DMD: variants seen among roughly 807,000 people sequenced by gnomAD.
DMD encodes the protein dystrophin.
In DMD, 63 loss-of-function variants were observed where a neutral mutation model predicts 330.1. The ratio of observed to expected loss-of-function variants is 0.19; its 90% CI spans 0.16 to 0.24. DMD has a LOEUF of 0.24. Ranked by LOEUF, DMD falls within the 10% of genes least tolerant of loss-of-function variation. DMD has a pLI of 1.00. For missense variants in DMD, 3,344 were observed against 2,684.1 expected, an observed-to-expected ratio of 1.25 and a Z score of -5.43; for synonymous variants, 1,223 against 959.8, an observed-to-expected ratio of 1.27 and a Z score of -5.07.
chrX:32,292,299 A>ATTTT (rs1355530949), intron 42 of DMD, among the ~76,000 whole-genome samples: 2 of 30,861 alleles, frequency 6.5e-5, no homozygotes, highest in African/African-American at 3.7e-4. Context: ...CAAAGGGAAT[A>ATTTT]TTCTTTTTTT....
At chrX:32,600,598 G>GCACACGCACA (rs1556840610) in intron 12 of DMD, among the ~76,000 whole-genome samples, 6 of 95,290 alleles carry the variant, frequency 6.3e-5, no homozygotes, top group Non-Finnish European at 8.4e-5. Flanking sequence ...ACACGCACAC[G>GCACACGCACA]CACACACACA....
At chrX:31,196,084 C>T (rs973902658) in intron 67 of DMD, among the ~76,000 whole-genome samples, 8 of 112,053 alleles carry the variant, frequency 7.1e-5, no homozygotes, top group African/African-American at 2.6e-4. Flanking sequence ...AACAGATCAT[C>T]ATAAAGCTTA....
At chrX:32,741,314 C>T (rs1233025626) in intron 7 of DMD, among the ~76,000 whole-genome samples, 1 of 111,371 alleles carries the variant, frequency 9.0e-6, no homozygotes, top group East Asian at 2.8e-4. Flanking sequence ...TATGGAGTAC[C>T]TAAACATGTA....
intron 59 of DMD, among the ~76,000 whole-genome samples, chrX:31,454,224 C>T (rs989947175): frequency 9.0e-6 from 1 of 110,817 alleles, no homozygotes; most frequent in Non-Finnish European, 1.9e-5. Context: ...CTGCAACCTC[C>T]GCCTCGTGGG....
chrX:32,349,988 C>CT (rs2097776128), intron 37 of DMD, among the ~76,000 whole-genome samples: 1 of 111,158 alleles, frequency 9.0e-6, no homozygotes, highest in Non-Finnish European at 1.9e-5. Flanking sequence ...CCCTTAGAAT[C>CT]ATAACTATAC....
At chrX:31,321,214 G>A (rs2056388178) in intron 62 of DMD, among the ~76,000 whole-genome samples, 1 of 111,707 alleles carries the variant, frequency 9.0e-6, no homozygotes, top group Admixed American at 9.5e-5. Flanking sequence ...ACAACTGAAT[G>A]AGTCATGCTC....
intron 1 of DMD, among the ~76,000 whole-genome samples, chrX:33,123,697 T>G (rs985515763): frequency 3.8e-4 from 41 of 107,618 alleles, no homozygotes; most frequent in South Asian, 1.7e-3. Context: ...GGATTACAGG[T>G]ATGAGCCACC....
At chrX:32,667,254 T>A (rs768581470) in intron 9 of DMD, among the ~76,000 whole-genome samples, 3 of 111,692 alleles carry the variant, frequency 2.7e-5, no homozygotes, top group African/African-American at 9.8e-5. Flanking sequence ...CAACTTCTGG[T>A]TATTACTGGC....
At chrX:32,366,256 G>A (rs748205988) in intron 34 of DMD, among the ~76,000 whole-genome samples, 6 of 112,033 alleles carry the variant, frequency 5.4e-5, no homozygotes, top group African/African-American at 1.6e-4. Context: ...GTGGCCACTC[G>A]GCATTCCACT....
At chrX:31,959,858 G>A (rs753086990) in intron 45 of DMD, among the ~76,000 whole-genome samples, 5 of 100,141 alleles carry the variant, frequency 5.0e-5, no homozygotes, top group Non-Finnish European at 9.9e-5. Flanking sequence ...TCCGCCTCCC[G>A]GGTTCGAGCA....
At chrX:32,385,616 A>C (rs1314446333) in intron 33 of DMD, among the ~76,000 whole-genome samples, 1 of 23,081 alleles carries the variant, frequency 4.3e-5, no homozygotes, top group East Asian at 1.9e-3. Flanking sequence ...ACTACTTACT[A>C]TCATAATCTA....
chrX:32,233,540 T>C (rs148575308), intron 43 of DMD, among the ~76,000 whole-genome samples: 2 of 111,285 alleles, frequency 1.8e-5, no homozygotes, highest in Non-Finnish European at 3.8e-5. Context: ...AAAAAACTTC[T>C]TGGAGGGGGA....
chrX:31,258,726 G>T (rs1261394616), intron 63 of DMD, among the ~76,000 whole-genome samples: 2 of 111,801 alleles, frequency 1.8e-5, no homozygotes, highest in South Asian at 7.5e-4. Context: ...TATCAGTTTT[G>T]AGTTTATCAC....
chrX:31,251,528 A>T (rs1231379605), intron 63 of DMD, among the ~76,000 whole-genome samples: 1 of 112,121 alleles, frequency 8.9e-6, no homozygotes, highest in Non-Finnish European at 1.9e-5. Flanking sequence ...ACAGAATATC[A>T]CCAATTCATA....
At chrX:33,332,729 C>A (rs909582332) in intron 1 of DMD, among the ~76,000 whole-genome samples, 2 of 111,382 alleles carry the variant, frequency 1.8e-5, no homozygotes, top group Non-Finnish European at 3.8e-5. Flanking sequence ...AATGGAAAAT[C>A]AAATATTTTT....
At chrX:32,405,783 C>G (rs1043540274) in intron 30 of DMD, among the ~76,000 whole-genome samples, 25 of 111,560 alleles carry the variant, frequency 2.2e-4, no homozygotes, top group African/African-American at 4.6e-4. Context: ...TTCCAATTCT[C>G]TGAAGAAAGG....
At chrX:31,657,762 T>G (rs1424529453) in intron 54 of DMD, among the ~76,000 whole-genome samples, 1 of 111,961 alleles carries the variant, frequency 8.9e-6, no homozygotes, top group East Asian at 2.8e-4. Context: ...TTGTTTAATC[T>G]CTTGGTTATG....
chrX:32,306,408 A>G (rs777058453), intron 42 of DMD, among the ~76,000 whole-genome samples: 2 of 111,077 alleles, frequency 1.8e-5, no homozygotes, highest in South Asian at 7.6e-4. Flanking sequence ...GTGGTCTCGA[A>G]CTTGAACAAG....
chrX:32,771,967 G>C (rs1333697157), intron 7 of DMD, among the ~76,000 whole-genome samples: 1 of 111,966 alleles, frequency 8.9e-6, no homozygotes, highest in African/African-American at 3.2e-5. Flanking sequence ...CTAAGCCAGT[G>C]ATTTTGATAC....
Sources: allele counts gnomAD v4.1 joint callset (sites outside exome capture counted in the v4.1 genomes callset), GRCh38; gene constraint gnomAD v4.1.1; transcripts MANE v1.5; gene names NCBI Gene and HGNC (gene_info 2026-07-23, HGNC 2026-07-21).